IHO1: variants seen among roughly 807,000 people sequenced by gnomAD.
IHO1 encodes interactor of HORMAD1 protein 1.
A neutral mutation model predicts 31.0 loss-of-function variants in IHO1; 13 were observed. The observed-to-expected ratio is 0.42, with a 90% confidence interval of 0.27 to 0.67. IHO1 has a LOEUF of 0.67. IHO1 is among the 30% of genes least tolerant of loss of function. IHO1 has a pLI of 0.24. For missense variants in IHO1, 599 were observed against 687.5 expected (o/e 0.87, Z 1.44); for synonymous variants, 221 against 248.4 (o/e 0.89, Z 1.04).
At chr3:49,243,491 G>C (rs2046655369) in intron 4 of IHO1, among the ~76,000 whole-genome samples, 1 of 151,942 alleles carries the variant, frequency 6.6e-6, no homozygotes, top group South Asian at 2.1e-4. Context: ...AGGCGCGGTG[G>C]CTCACGGCTG....
upstream of IHO1, among the ~76,000 whole-genome samples, chr3:49,197,880 C>CAA (rs553923060): frequency 9.0e-6 from 1 of 111,374 alleles, no homozygotes; most frequent in Non-Finnish European, 1.9e-5. Context: ...AACTCCATCT[C>CAA]AAAAAAAAAA....
chr3:49,248,075 A>T (rs1192288163), intron 6 of IHO1, among the ~76,000 whole-genome samples: 1 of 148,388 alleles, frequency 6.7e-6, no homozygotes, highest in African/African-American at 2.5e-5. Context: ...TAGTGAGCCG[A>T]GATGGCGCCA....
upstream of IHO1, among the ~76,000 whole-genome samples, chr3:49,196,453 A>G (rs2045996681): frequency 1.5e-5 from 2 of 134,976 alleles, no homozygotes; most frequent in African/African-American, 2.8e-5. Context: ...CAAGTAGCTG[A>G]GACTATAGGC....
rs150467185 is a variant in IHO1, at chr3:49,236,677, T to G, written c.186T>G (p.Gly62=). 22 of 1,614,000 alleles carry G rather than the reference T, an allele frequency of 1.4e-5. No homozygotes were observed. In the African/African-American group the frequency reaches 2.8e-4, roughly 21 times the overall value. The part of the protein sequence containing the change: ...SETLSAPLDF[G]AHLRHSKQSQ... ...CCCTATCAGCACCCTTGGACTTTGGTGCCCACTTGAGACATTCAAAACAGT... is the reference window on the plus strand; with the variant it reads ...CCCTATCAGCACCCTTGGACTTTGGGGCCCACTTGAGACATTCAAAACAGT... The change falls in exon 3 of 8, where the codon GGT becomes GGG. Residue 62 remains glycine (G), a synonymous_variant. Transcript: ENST00000452691.
chr3:49,234,798 G>C (rs1263901606), intron 2 of IHO1, among the ~76,000 whole-genome samples: 1 of 151,874 alleles, frequency 6.6e-6, no homozygotes, highest in Non-Finnish European at 1.5e-5. Context: ...ATTGTTTGGT[G>C]TGTATAATGT....
In IHO1 at chr3:49,213,635, G is replaced by C. The variant is rs146719828; in HGVS notation, c.56+1799G>C. ...GGGGCCACGTAGGAGCCCATGGTGG[G>C]CCGGCACTGCTGGAGGACCCGGTGC... On this transcript the variant is annotated intron_variant, in intron 2 of 7. Coordinates refer to ENST00000452691, the MANE Select transcript of IHO1 (RefSeq NM_001135197.2). Among the ~76,000 whole-genome samples, 1,138 of 152,346 alleles carry C rather than the reference G, an allele frequency of 7.5e-3. 7 individuals are homozygous for C. Among genetic ancestry groups the C allele is most frequent in the Non-Finnish European group, 0.013 (872 of 68,024 alleles).
intron 3 of IHO1, among the ~76,000 whole-genome samples, chr3:49,239,291 C>T (rs200127758): frequency 6.8e-6 from 1 of 147,996 alleles, no homozygotes; most frequent in Non-Finnish European, 1.5e-5. Flanking sequence ...TAATTTTTTT[C>T]TTTTTTTTTT....
At chr3:49,219,363 G>A (rs2046325025) in intron 2 of IHO1, among the ~76,000 whole-genome samples, 2 of 152,198 alleles carry the variant, frequency 1.3e-5, no homozygotes, top group South Asian at 4.1e-4. Flanking sequence ...TGTGCCTTAA[G>A]GACATGTTCC....
intron 1 of IHO1, among the ~76,000 whole-genome samples, chr3:49,205,839 G>A (rs1180139296): frequency 6.1e-5 from 9 of 146,978 alleles, no homozygotes; most frequent in Non-Finnish European, 1.3e-4. Context: ...GCGCAATCTC[G>A]GCTCACTGCC....
At chr3:49,254,049 G>A (rs2046795037) in intron 6 of IHO1, among the ~76,000 whole-genome samples, 1 of 151,990 alleles carries the variant, frequency 6.6e-6, no homozygotes, top group Non-Finnish European at 1.5e-5. Context: ...GGCTAGGCTG[G>A]TTTCGAACTC....
At chr3:49,223,941 G>A (rs1348498784) in intron 2 of IHO1, among the ~76,000 whole-genome samples, 2 of 152,070 alleles carry the variant, frequency 1.3e-5, no homozygotes, top group Non-Finnish European at 2.9e-5. Context: ...TCCCCCAAAG[G>A]GACCTTACGA....
At chr3:49,231,642 T>G (rs959963639) in intron 2 of IHO1, among the ~76,000 whole-genome samples, 4 of 152,250 alleles carry the variant, frequency 2.6e-5, no homozygotes, top group African/African-American at 9.6e-5. Flanking sequence ...TTTGCCCAAT[T>G]GCAAACAGCA....
intron 4 of IHO1, 145 bp downstream of exon 4, chr3:49,241,534 C>A: frequency 3.5e-6 from 2 of 571,730 alleles, no homozygotes; most frequent in South Asian, 2.5e-5. Flanking sequence ...GACTTACACA[C>A]ACATACACAC....
At chr3:49,238,198 C>A (rs1424105463) in intron 3 of IHO1, among the ~76,000 whole-genome samples, 2 of 152,096 alleles carry the variant, frequency 1.3e-5, no homozygotes, top group Non-Finnish European at 2.9e-5. Context: ...GCCACCATGC[C>A]CAGCCTGATT....
chr3:49,243,899 C>T (rs913627780), intron 4 of IHO1, among the ~76,000 whole-genome samples: 9 of 149,286 alleles, frequency 6.0e-5, no homozygotes, highest in South Asian at 2.1e-4. Flanking sequence ...AAGAAAAATG[C>T]GATTTGCCTT....
intron 1 of IHO1, among the ~76,000 whole-genome samples, chr3:49,202,495 TTGTGTGTGTGTGTGTGTGTG>T (rs113425200): frequency 0.57 from 73,789 of 129,868 alleles, 21,563 homozygotes; most frequent in East Asian, 0.91. Context: ...CCGGCTAATT[TTGTGTGTGTGTGTGTGTGTG>T]TGTGTGTGTG....
intron 6 of IHO1, among the ~76,000 whole-genome samples, chr3:49,247,052 T>C (rs1409131542): frequency 6.6e-6 from 1 of 151,894 alleles, no homozygotes; most frequent in Non-Finnish European, 1.5e-5. Context: ...TTTCACCATG[T>C]TGGCCAGGCT....
intron 1 of IHO1, among the ~76,000 whole-genome samples, chr3:49,202,495 TTGTG>T (rs113425200): frequency 0.048 from 6,287 of 129,632 alleles, 356 homozygotes; most frequent in African/African-American, 0.15. Context: ...CCGGCTAATT[TTGTG>T]TGTGTGTGTG....
At chr3:49,217,977 T>C (rs1453959081) in intron 2 of IHO1, among the ~76,000 whole-genome samples, 3 of 152,230 alleles carry the variant, frequency 2.0e-5, no homozygotes, top group Non-Finnish European at 4.4e-5. Context: ...AGTGGGTGGA[T>C]AAGCAGAAAG....
Sources: allele counts gnomAD v4.1 joint callset (sites outside exome capture counted in the v4.1 genomes callset), GRCh38; gene constraint gnomAD v4.1.1; transcripts MANE v1.5; gene names NCBI Gene and HGNC (gene_info 2026-07-23, HGNC 2026-07-21).